COL12A1: variants seen among roughly 807,000 people sequenced by gnomAD.
The protein encoded by COL12A1 is collagen type XII alpha 1 chain, also known as collagen alpha-1(XII) chain.
A neutral mutation model predicts 349.7 loss-of-function variants in COL12A1; 114 were observed. The observed-to-expected ratio is 0.33, with a 90% CI of 0.28 to 0.38. The LOEUF is 0.38. Ranked by LOEUF, COL12A1 falls within the 10% of genes least tolerant of loss-of-function variation. COL12A1 has a pLI of 1.00. For synonymous variants in COL12A1, 1,369 were observed against 1,329.0 expected (o/e 1.03, Z -0.66); for missense variants, 3,284 against 3,756.9 (o/e 0.87, Z 3.29).
intron 52 of COL12A1, 45 bp from the exon 53 acceptor site, chr6:75,106,541 C>A (rs1250640353): frequency 6.4e-7 from 1 of 1,552,800 alleles, no homozygotes; most frequent in Admixed American, 1.7e-5. Flanking sequence ...GCATGAAAAA[C>A]ATTTTATATT....
rs779113685 is a variant in COL12A1, at chr6:75,091,288, A to G, written c.8752+35T>C. On this transcript the variant is annotated intron_variant, in intron 62 of 65. Coordinates refer to ENST00000322507, the MANE Select transcript of COL12A1 (RefSeq NM_004370.6). ...TGCATTTTCCTGCAATTAATTTTAA[A>G]ACAATTCATACAGTAAAAAGAAAAG... The G allele has an allele frequency of 3.1e-5, 48 of 1,570,430 alleles. No homozygotes were observed. In the African/African-American group the frequency reaches 6.1e-4, roughly 20 times the overall value.
At chr6:75,111,328 T>C (rs143201369) in intron 51 of COL12A1, among the ~76,000 whole-genome samples, 66 of 151,930 alleles carry the variant, frequency 4.3e-4, no homozygotes, top group African/African-American at 1.4e-3. Flanking sequence ...ATAGGCATTA[T>C]ATAAAACCCA....
chr6:75,172,914 G>T (rs1274439354), intron 13 of COL12A1, among the ~76,000 whole-genome samples: 1 of 152,108 alleles, frequency 6.6e-6, no homozygotes, highest in Non-Finnish European at 1.5e-5. Flanking sequence ...ACATATACAG[G>T]TTCCCTAGGG....
At chr6:75,106,380 T>A in intron 53 of COL12A1, 39 bp downstream of exon 53, 1 of 1,539,288 alleles carries the variant, frequency 6.5e-7, no homozygotes, top group Non-Finnish European at 9.0e-7. Flanking sequence ...ACTGGGGGAC[T>A]GTTAAAGCCA....
chr6:75,164,386 G>GA (rs1207755067), intron 14 of COL12A1, among the ~76,000 whole-genome samples: 1 of 152,104 alleles, frequency 6.6e-6, no homozygotes, highest in African/African-American at 2.4e-5. Context: ...TCCTTTGCCA[G>GA]AAAAATCACC....
chr6:75,117,687 T>TCTTTAATAAATA, intron 46 of COL12A1, 141 bp from the exon 47 acceptor site: 1 of 730,008 alleles, frequency 1.4e-6, no homozygotes, highest in South Asian at 2.7e-5. Flanking sequence ...ACGTGAACTC[T>TCTTTAATAAATA]CTTTAATAAA....
chr6:75,123,499 A>G (rs1003127213), intron 42 of COL12A1, 95 bp from the exon 43 acceptor site: 1 of 1,000,162 alleles, frequency 1.0e-6, no homozygotes, highest in African/African-American at 1.6e-5. Context: ...CCTGGATACC[A>G]AATCAAGTCG....
Position 75,177,818 on chromosome 6 carries a change from G to C in COL12A1, c.2282C>G (p.Ala761Gly), listed in dbSNP as rs1425118263. ...GGTAACTTCTCTGCTCTCTCCACCA[G>C]CAACTGGTCTATATATAATTCGATA... ...LRYRIIYRPV[A>G]GGESREVTTP... The change falls in exon 12 of 66, where the codon GCT becomes GGT. Residue 761 changes from alanine (A) to glycine (G), a missense_variant. By Grantham distance (60) the Ala-to-Gly change is moderately conservative (BLOSUM62 0). This residue lies in a region of COL12A1 where 2,601 missense variants were observed against 2,824.8 expected (regional missense o/e 0.92). Transcript: ENST00000322507. The C allele has an allele frequency of 2.5e-6, 4 of 1,614,112 alleles. No individual in the cohort carries two copies. The highest frequency in any genetic ancestry group is 2.5e-6 in the Non-Finnish European group (3 of 1,180,022).
At chr6:75,134,515 G>A (rs145792606) in intron 32 of COL12A1, among the ~76,000 whole-genome samples, 1 of 151,952 alleles carries the variant, frequency 6.6e-6, no homozygotes, top group Non-Finnish European at 1.5e-5. Context: ...AGGATGCAGT[G>A]AGCCAAGATC....
At chr6:75,091,292 A>G in intron 62 of COL12A1, 31 bp downstream of exon 62, 1 of 1,581,770 alleles carries the variant, frequency 6.3e-7, no homozygotes, top group Non-Finnish European at 8.6e-7. Flanking sequence ...TTTTAAAACA[A>G]TTCATACAGT....
Position 75,173,655 on chromosome 6 carries a change from G to A in COL12A1, c.2710+1383C>T, listed in dbSNP as rs62415674. Reference sequence around the variant, plus strand: ...CTCGCAAAGTGCTGGGATTACAGGCGTGAGCCACCACGCCTGCCCGATCAC... The same window carrying A: ...CTCGCAAAGTGCTGGGATTACAGGCATGAGCCACCACGCCTGCCCGATCAC... On this transcript the variant is annotated intron_variant, in intron 13 of 65. Coordinates refer to ENST00000322507, the MANE Select transcript of COL12A1 (RefSeq NM_004370.6). Among the ~76,000 whole-genome samples, 1,263 of 152,258 alleles carry A rather than the reference G, an allele frequency of 8.3e-3. 7 individuals are homozygous for A. The highest frequency in any genetic ancestry group is 0.013 in the Non-Finnish European group (861 of 68,006).
intron 5 of COL12A1, 151 bp from the exon 6 acceptor site, chr6:75,189,966 T>G (rs1006823201): frequency 5.0e-6 from 4 of 803,246 alleles, no homozygotes; most frequent in African/African-American, 1.7e-5. Flanking sequence ...CAAAGAAATA[T>G]ACAATTTTAC....
At chr6:75,174,393 A>G (rs543285072) in intron 13 of COL12A1, among the ~76,000 whole-genome samples, 9 of 152,222 alleles carry the variant, frequency 5.9e-5, no homozygotes, top group African/African-American at 1.4e-4. Context: ...CGTCCCTACT[A>G]AAAATACAAA....
At chr6:75,111,934 G>A (rs1768860191) in intron 51 of COL12A1, among the ~76,000 whole-genome samples, 1 of 151,632 alleles carries the variant, frequency 6.6e-6, no homozygotes. Context: ...ACTCTGGAAA[G>A]AAAGCAAGAT....
intron 49 of COL12A1, among the ~76,000 whole-genome samples, chr6:75,115,427 C>T (rs1167355629): frequency 1.3e-5 from 2 of 152,092 alleles, no homozygotes; most frequent in Admixed American, 6.6e-5. Flanking sequence ...AGAATGCTCT[C>T]GGTCTGCACT....
intron 8 of COL12A1, among the ~76,000 whole-genome samples, chr6:75,184,919 C>T (rs1262109511): frequency 6.6e-6 from 1 of 152,134 alleles, no homozygotes; most frequent in Non-Finnish European, 1.5e-5. Flanking sequence ...TAATTTTTCA[C>T]AAATCAACCT....
At chr6:75,156,788 T>C (rs372552911) in intron 14 of COL12A1, among the ~76,000 whole-genome samples, 16 of 152,330 alleles carry the variant, frequency 1.1e-4, no homozygotes, top group African/African-American at 3.4e-4. Flanking sequence ...TTCTAGAGAC[T>C]TTAGTAAAGA....
chr6:75,189,106 G>A (rs1769789013), intron 7 of COL12A1, 111 bp downstream of exon 7: 2 of 1,187,354 alleles, frequency 1.7e-6, no homozygotes, highest in East Asian at 5.0e-5. Context: ...TAAAAATGCA[G>A]TAAACACTTC....
In COL12A1 at chr6:75,155,714, C is replaced by T; in HGVS notation, c.3391G>A (p.Gly1131Arg). 9 of 1,612,694 alleles carry T rather than the reference C, an allele frequency of 5.6e-6. No individual in the cohort carries two copies. Among genetic ancestry groups the T allele is most frequent in the Non-Finnish European group, 7.6e-6 (9 of 1,179,370 alleles). ...FHPTGDDRRL[G>R]ELVVGPYDNT... Reference sequence around the variant, plus strand: ...TCATAGGGTCCAACCACTAACTCCCCCAGTCTTCTGTCATCCCCCGTAGGG... The same window carrying T: ...TCATAGGGTCCAACCACTAACTCCCTCAGTCTTCTGTCATCCCCCGTAGGG... The change falls in exon 16 of 66, where the codon GGG becomes AGG. Residue 1131 changes from glycine (G) to arginine (R), a missense_variant. Physicochemically the swap from Gly to Arg is moderately radical, Grantham distance 125. Coordinates refer to ENST00000322507, the MANE Select transcript of COL12A1 (RefSeq NM_004370.6).
Sources: allele counts gnomAD v4.1 joint callset (sites outside exome capture counted in the v4.1 genomes callset), GRCh38; gene constraint gnomAD v4.1.1; regional missense constraint gnomAD v4.1.1; transcripts MANE v1.5; gene names NCBI Gene and HGNC (gene_info 2026-07-23, HGNC 2026-07-21).